Variants in FAT1 observed in about 807,000 individuals in gnomAD.
FAT1 encodes FAT atypical cadherin 1.
In FAT1, 171 loss-of-function variants were observed where a neutral mutation model predicts 329.8. The observed-to-expected ratio is 0.52, with a 90% CI of 0.46 to 0.59. The LOEUF is 0.59. FAT1 is among the 20% of genes least tolerant of loss of function. FAT1 has a pLI of 0.00. For synonymous variants in FAT1, 2,233 were observed against 2,228.6 expected, an observed-to-expected ratio of 1.00 and a Z score of -0.06; for missense variants, 5,672 against 5,774.4, an observed-to-expected ratio of 0.98 and a Z score of 0.57.
At chr4:186,599,856 A>G in intron 22 of FAT1, 42 bp downstream of exon 22, 2 of 1,431,776 alleles carry the variant, frequency 1.4e-6, no homozygotes, top group Non-Finnish European at 1.9e-6. Flanking sequence ...TTAAATGTAC[A>G]CACGTGCAGC....
chr4:186,608,535 C>A (rs1363587347), intron 16 of FAT1, among the ~76,000 whole-genome samples: 1 of 152,094 alleles, frequency 6.6e-6, no homozygotes, highest in Non-Finnish European at 1.5e-5. Context: ...AGGAGGCCAC[C>A]ACACCCGACA....
At chr4:186,605,383 A>G (rs1343082742) in intron 17 of FAT1, among the ~76,000 whole-genome samples, 18 of 115,714 alleles carry the variant, frequency 1.6e-4, no homozygotes, top group Non-Finnish European at 2.7e-4. Context: ...AGGAGGAGAA[A>G]GAGTGGAGAC....
At chr4:186,673,407 G>A (rs1248053640) in intron 2 of FAT1, among the ~76,000 whole-genome samples, 1 of 152,152 alleles carries the variant, frequency 6.6e-6, no homozygotes, top group Non-Finnish European at 1.5e-5. Flanking sequence ...TTTCATTTGA[G>A]TAGATATATG....
Position 186,596,981 on chromosome 4 carries a change from C to T in FAT1, c.12559G>A (p.Val4187Met). 6.2e-7 allele frequency: 1 copy of T among 1,613,974 alleles called. No homozygotes were observed. Among genetic ancestry groups the T allele is most frequent in the Non-Finnish European group, 8.5e-7 (1 of 1,179,876 alleles). The part of the protein sequence containing the change: ...IGLAEGIGIV[V>M]FVAGIFLLVV... Reference sequence around the variant, plus strand: ...AGTAAAAATATCCCTGCAACAAACACAACGATTCCAATTCCTTCCGCCAAC... The same window carrying T: ...AGTAAAAATATCCCTGCAACAAACATAACGATTCCAATTCCTTCCGCCAAC... Residue 4187 changes from valine to methionine, a missense_variant, in exon 25 of 27, where the codon GTG (valine) becomes ATG (methionine). By Grantham distance (21) the Val-to-Met change is conservative. Transcript: ENST00000441802. This position sits in a 1 kb window ranked among gnomAD's most constrained non-coding sequence, Gnocchi z 4.7.
At chr4:186,701,129 T>C (rs1411511057) in intron 2 of FAT1, among the ~76,000 whole-genome samples, 5 of 152,180 alleles carry the variant, frequency 3.3e-5, no homozygotes, top group Non-Finnish European at 4.4e-5. Context: ...ATCATACAAA[T>C]AACTAAAGAA....
In FAT1 at chr4:186,605,146, G is replaced by A. The variant is rs1289790102; in HGVS notation, c.10351-572C>T. Reference sequence around the variant, plus strand: ...CAGGAGAACTGTTTGAAGCCAGGAGGTGGAGGGTGCAGTGAGCTGAGATCG... The same window carrying A: ...CAGGAGAACTGTTTGAAGCCAGGAGATGGAGGGTGCAGTGAGCTGAGATCG... On this transcript the variant is annotated intron_variant, in intron 17 of 26. Transcript: ENST00000441802. 2.6e-5 allele frequency among the ~76,000 whole-genome samples: 4 copies of A among 151,208 alleles called. No homozygotes were observed. The East Asian group carries it at 7.9e-4, about 30-fold the overall frequency.
At chr4:186,600,582 CGAATAATTAACTATTAACT>C (rs1738765580) in intron 21 of FAT1, among the ~76,000 whole-genome samples, 1 of 152,024 alleles carries the variant, frequency 6.6e-6, no homozygotes, top group Admixed American at 6.6e-5. Flanking sequence ...ATCATGGAAG[CGAATAATTAACTATTAACT>C]GAACACATAA....
chr4:186,723,817 C>T lies in FAT1; in HGVS notation c.-172G>A, dbSNP rs1436112066. On this transcript the variant is annotated 5_prime_UTR_variant, in exon 1 of 27. Coordinates refer to ENST00000441802, the MANE Select transcript of FAT1 (RefSeq NM_005245.4). ...ACGAGCCGCTCCCGCGCCCTCTCCC[C>T]GCGCCCGGCCGCCCAGCTCGGCGCC... is the stretch of plus-strand genomic sequence containing the variant. 1.3e-5 allele frequency: 2 copies of T among 150,868 alleles called. No homozygotes were observed. The highest frequency in any genetic ancestry group is 2.4e-5 in the African/African-American group (1 of 41,138). The allele number at this position is 150,868 out of a possible 1,614,324, so 9.3% of individuals were successfully genotyped here.
At chr4:186,716,584 A>T (rs961663502) in intron 1 of FAT1, among the ~76,000 whole-genome samples, 1 of 151,794 alleles carries the variant, frequency 6.6e-6, no homozygotes, top group Non-Finnish European at 1.5e-5. Flanking sequence ...TGCCCAGCTA[A>T]TTTTTTGTAT....
At chr4:186,628,085 T>C (rs1369785872) in intron 9 of FAT1, 69 bp downstream of exon 9, 2 of 1,522,540 alleles carry the variant, frequency 1.3e-6, no homozygotes, top group East Asian at 2.4e-5. Flanking sequence ...CCAGAACTGA[T>C]TTTGGAAAAG....
In FAT1 at chr4:186,684,855, C is replaced by T. The variant is rs150286471; in HGVS notation, c.3266-21242G>A. Among the ~76,000 whole-genome samples, 5 of 152,300 alleles carry T rather than the reference C, an allele frequency of 3.3e-5. No homozygotes were observed. The East Asian group carries it at 9.7e-4, about 29-fold the overall frequency. On this transcript the variant is annotated intron_variant, in intron 2 of 26. Coordinates refer to ENST00000441802, the MANE Select transcript of FAT1 (RefSeq NM_005245.4). ...GGAGGCGTGGTTTTCATTTGCTACT[C>T]TGTTTAGTTTTGACTAACTGGAAAT...
chr4:186,636,900 G>A lies in FAT1; in HGVS notation c.3657C>T (p.Asp1219=), dbSNP rs2126565270. 1.2e-6 allele frequency: 2 copies of A among 1,605,634 alleles called. No homozygotes were observed. Among genetic ancestry groups the A allele is most frequent in the Non-Finnish European group, 8.5e-7 (1 of 1,176,928 alleles). ...DEHILEVTVT[D]NGSPPKSTIA... is the part of the protein sequence containing the mutation. ...TGGTTGATTTGGGGGGACTACCATT[G>A]TCTGTCACAGTAACCTGTTTTTTTA... Residue 1219 remains aspartate, a synonymous_variant, in exon 5 of 27, where the codon GAC becomes GAT. Coordinates refer to ENST00000441802, the MANE Select transcript of FAT1 (RefSeq NM_005245.4).
chr4:186,647,425 AGTCT>A (rs1741432671), intron 3 of FAT1, among the ~76,000 whole-genome samples: 1 of 152,218 alleles, frequency 6.6e-6, no homozygotes, highest in Non-Finnish European at 1.5e-5. Flanking sequence ...TTTGACCCCA[AGTCT>A]GTCTGATTCC....
At chr4:186,679,093 A>C (rs553159610) in intron 2 of FAT1, among the ~76,000 whole-genome samples, 2 of 152,112 alleles carry the variant, frequency 1.3e-5, no homozygotes, top group Admixed American at 1.3e-4. Flanking sequence ...AAAAATATTT[A>C]GGCTGGGCTG....
chr4:186,645,946 A>AC (rs1491171394), intron 3 of FAT1, among the ~76,000 whole-genome samples: 10 of 36,590 alleles, frequency 2.7e-4, no homozygotes, highest in Non-Finnish European at 4.1e-4. Flanking sequence ...ACTGTCTCAC[A>AC]AAAAAAAAAA....
chr4:186,633,073 T>C (rs1031435823), intron 7 of FAT1, among the ~76,000 whole-genome samples: 1 of 152,154 alleles, frequency 6.6e-6, no homozygotes, highest in African/African-American at 2.4e-5. Context: ...GCTTCTTCTA[T>C]CTAGGAATAT....
rs1307259915 is a variant in FAT1 at position 186,621,256 on chromosome 4, G to C, written c.5330C>G (p.Ser1777Ter). The C allele has an allele frequency of 6.2e-7, 1 of 1,613,930 alleles. No individual in the cohort carries two copies. The stretch of plus-strand genomic sequence containing the variant: ...TAGGACCACGCTGTTAATTGAGGCT[G>C]ATTCACTAATGAGTCCTGTATATTC... ...QAEYTGLISE[S>*]ASINSVVLTD... Residue 1777 changes from serine to a stop codon, truncating the protein, a stop_gained, in exon 10 of 27, where the codon TCA (serine) becomes TGA (stop). Coordinates refer to ENST00000441802, the MANE Select transcript of FAT1 (RefSeq NM_005245.4). LOFTEE classifies it high-confidence loss of function.
intron 26 of FAT1, chr4:186,590,234 G>A (rs1449151848): frequency 2.9e-5 from 12 of 408,692 alleles, no homozygotes; most frequent in South Asian, 9.5e-5. Flanking sequence ...AATGCAATGC[G>A]CACACACATG....
rs568178588 is a variant in FAT1 at position 186,710,716 on chromosome 4, T to G, written c.-18-871A>C. On this transcript the variant is annotated intron_variant, in intron 1 of 26. Transcript: ENST00000441802. ...CCTATCTTCAGGGCATCGAACAACC[T>G]GTCACCCTGGGCCCCTCCATGAGAA... 3.9e-5 allele frequency among the ~76,000 whole-genome samples: 6 copies of G among 152,260 alleles called. No individual in the cohort carries two copies. The East Asian group carries it at 1.2e-3, about 29-fold the overall frequency.
Sources: gnomAD v4.1 joint callset for allele counts (sites outside exome capture counted in the v4.1 genomes callset) on GRCh38, gnomAD v4.1.1 for gene constraint, Gnocchi (gnomAD v3.1) non-coding constraint, MANE v1.5 for transcripts, NCBI Gene and HGNC (gene_info 2026-07-23, HGNC 2026-07-21) for gene names.